ARHGAP6: variants seen among roughly 807,000 people sequenced by gnomAD.
The protein encoded by ARHGAP6 is rho GTPase-activating protein 6.
Under a neutral mutation model 55.7 loss-of-function variants are expected in ARHGAP6, and 16 were observed. The observed-to-expected ratio is 0.29, with a 90% CI of 0.19 to 0.44. ARHGAP6 has a LOEUF of 0.44. Ranked by LOEUF, ARHGAP6 falls within the 20% of genes least tolerant of loss-of-function variation. ARHGAP6 has a pLI of 1.00. For missense variants in ARHGAP6, 698 were observed against 808.9 expected (o/e 0.86, Z 1.66); for synonymous variants, 382 against 360.9 (o/e 1.06, Z -0.66).
chrX:11,569,585 T>G (rs1049692809), intron 1 of ARHGAP6, among the ~76,000 whole-genome samples: 1 of 112,024 alleles, frequency 8.9e-6, no homozygotes, highest in African/African-American at 3.3e-5. Flanking sequence ...ATTGGACCAC[T>G]GCGCATTTCC....
chrX:11,174,622 CTTTTCTTT>C (rs1419274533), intron 8 of ARHGAP6, among the ~76,000 whole-genome samples: 13 of 50,770 alleles, frequency 2.6e-4, no homozygotes, highest in East Asian at 1.6e-3. Flanking sequence ...CTTTCTCTTT[CTTTTCTTT>C]CTTTCTTTCT....
chrX:11,500,628 T>G (rs1175585097), intron 1 of ARHGAP6, among the ~76,000 whole-genome samples: 1 of 91,303 alleles, frequency 1.1e-5, no homozygotes, highest in Non-Finnish European at 2.0e-5. Context: ...ATGGCACCAC[T>G]GCACTGTACC....
intron 1 of ARHGAP6, among the ~76,000 whole-genome samples, chrX:11,457,320 G>T (rs951811264): frequency 9.0e-6 from 1 of 111,509 alleles, no homozygotes; most frequent in Non-Finnish European, 1.9e-5. Flanking sequence ...GGAGTCAGGT[G>T]ACACCTGCTC....
At chrX:11,170,263 C>T (rs2046071830) in intron 8 of ARHGAP6, among the ~76,000 whole-genome samples, 1 of 112,042 alleles carries the variant, frequency 8.9e-6, no homozygotes, top group African/African-American at 3.2e-5. Context: ...GAGGCGGAAG[C>T]ATTTGCACAA....
chrX:11,625,786 A>C (rs184234036), intron 1 of ARHGAP6, among the ~76,000 whole-genome samples: 1 of 111,811 alleles, frequency 8.9e-6, no homozygotes, highest in East Asian at 2.8e-4. Flanking sequence ...ACAAAATATC[A>C]CATGTACCCC....
intron 9 of ARHGAP6, among the ~76,000 whole-genome samples, chrX:11,158,238 G>A (rs1050958836): frequency 2.7e-5 from 3 of 112,031 alleles, no homozygotes; most frequent in Non-Finnish European, 5.6e-5. Flanking sequence ...CAATGGGCAT[G>A]TGACTCCATC....
intron 1 of ARHGAP6, among the ~76,000 whole-genome samples, chrX:11,426,893 C>T (rs896304408): frequency 1.8e-5 from 2 of 110,368 alleles, no homozygotes; most frequent in East Asian, 5.7e-4. Flanking sequence ...CAGTCCCTGG[C>T]ACACAGTAGG....
At chrX:11,389,720 TG>T (rs1265170527) in intron 1 of ARHGAP6, among the ~76,000 whole-genome samples, 1 of 112,483 alleles carries the variant, frequency 8.9e-6, no homozygotes, top group Admixed American at 9.4e-5. Flanking sequence ...CCAAATCACT[TG>T]GTAAATTTGC....
chrX:11,591,439 A>G (rs1274883417), intron 1 of ARHGAP6, among the ~76,000 whole-genome samples: 2 of 109,680 alleles, frequency 1.8e-5, no homozygotes, highest in East Asian at 5.6e-4. Flanking sequence ...ATTATTAATC[A>G]ATAATTATTA....
intron 1 of ARHGAP6, among the ~76,000 whole-genome samples, chrX:11,500,968 G>T (rs977144018): frequency 5.4e-5 from 6 of 110,386 alleles, no homozygotes; most frequent in Non-Finnish European, 1.1e-4. Flanking sequence ...GTGGTTGTTG[G>T]CAAGGTTTTG....
chrX:11,419,286 C>T (rs1401322757), intron 1 of ARHGAP6, among the ~76,000 whole-genome samples: 1 of 112,070 alleles, frequency 8.9e-6, no homozygotes, highest in African/African-American at 3.2e-5. Context: ...GTAGTTCATT[C>T]CTCAAATTAA....
At chrX:11,199,343 C>T (rs1385041478) in intron 2 of ARHGAP6, among the ~76,000 whole-genome samples, 1 of 111,925 alleles carries the variant, frequency 8.9e-6, no homozygotes, top group Non-Finnish European at 1.9e-5. Flanking sequence ...GCATCAGTAT[C>T]GCCTGGGAAC....
intron 1 of ARHGAP6, among the ~76,000 whole-genome samples, chrX:11,329,362 G>A (rs756825262): frequency 1.8e-5 from 2 of 112,077 alleles, no homozygotes; most frequent in Non-Finnish European, 3.8e-5. Flanking sequence ...AGCAGCCACA[G>A]TTTGTTTAGT....
At chrX:11,254,839 C>A in intron 1 of ARHGAP6, 132 bp from the exon 2 acceptor site, 1 of 789,732 alleles carries the variant, frequency 1.3e-6, no homozygotes, top group Non-Finnish European at 1.7e-6. Flanking sequence ...GTCTCAATTC[C>A]CAAAGTCAAA....
At chrX:11,494,189 A>G (rs1220873809) in intron 1 of ARHGAP6, among the ~76,000 whole-genome samples, 1 of 112,141 alleles carries the variant, frequency 8.9e-6, no homozygotes, top group Non-Finnish European at 1.9e-5. Flanking sequence ...GCATAGCCAG[A>G]TGTCCTCTGA....
chrX:11,554,026 G>C (rs1325515775), intron 1 of ARHGAP6, among the ~76,000 whole-genome samples: 2 of 112,325 alleles, frequency 1.8e-5, no homozygotes, highest in Admixed American at 9.4e-5. Flanking sequence ...TAATCAGCTG[G>C]AAGTTGCTTT....
intron 1 of ARHGAP6, among the ~76,000 whole-genome samples, chrX:11,340,103 A>C (rs1380754087): frequency 8.9e-6 from 1 of 112,211 alleles, no homozygotes; most frequent in Non-Finnish European, 1.9e-5. Flanking sequence ...CCCTGTATCC[A>C]TTCTTGCTGG....
At chrX:11,432,487 T>C (rs758817304) in intron 1 of ARHGAP6, among the ~76,000 whole-genome samples, 3 of 112,510 alleles carry the variant, frequency 2.7e-5, no homozygotes, top group South Asian at 3.7e-4. Flanking sequence ...TGCTGGGTCA[T>C]AGGCATGCAT....
At chrX:11,590,877 A>AAGAAAAGAAAAGAAAAGAAAAGAAG (rs1569411019) in intron 1 of ARHGAP6, among the ~76,000 whole-genome samples, 1 of 67,336 alleles carries the variant, frequency 1.5e-5, no homozygotes, top group Non-Finnish European at 2.9e-5. Flanking sequence ...AAGGAAAGAA[A>AAGAAAAGAAAAGAAAAGAAAAGAAG]GAAAGAAAGA....
Sources: allele counts gnomAD v4.1 joint callset (sites outside exome capture counted in the v4.1 genomes callset), GRCh38; gene constraint gnomAD v4.1.1; transcripts MANE v1.5; gene names NCBI Gene and HGNC (gene_info 2026-07-23, HGNC 2026-07-21).